XKR7: variants seen among roughly 807,000 people sequenced by gnomAD.
The protein encoded by XKR7 is XK related 7.
XKR7 carries 11 observed loss-of-function variants against 42.2 expected under a neutral mutation model. That is an observed-to-expected ratio of 0.26 (90% CI 0.16 to 0.43). The LOEUF (loss-of-function observed/expected upper bound fraction) is 0.43. XKR7 is among the 20% of genes least tolerant of loss of function. The pLI is 1.00. For missense variants in XKR7, 710 were observed against 802.2 expected (o/e 0.89, Z 1.39); for synonymous variants, 346 against 366.4 (o/e 0.94, Z 0.64).
At chr20:31,973,473 G>A (rs1014183543) in intron 1 of XKR7, among the ~76,000 whole-genome samples, 1 of 152,088 alleles carries the variant, frequency 6.6e-6, no homozygotes, top group African/African-American at 2.4e-5. Context: ...TAATACCTGG[G>A]CCAGATCGTG....
intron 2 of XKR7, 74 bp from the exon 3 acceptor site, chr20:31,996,431 C>T: frequency 1.8e-6 from 2 of 1,132,678 alleles, no homozygotes; most frequent in Non-Finnish European, 2.4e-6. Flanking sequence ...ACCCAGAACC[C>T]TCCGCCTCTC....
intron 2 of XKR7, among the ~76,000 whole-genome samples, chr20:31,996,175 G>A (rs2064590304): frequency 6.6e-6 from 1 of 150,740 alleles, no homozygotes; most frequent in Non-Finnish European, 1.5e-5. Flanking sequence ...CCAGAGTCCC[G>A]GACCCTCATT....
Position 31,968,873 on chromosome 20 carries a change from C to A in XKR7, c.584+114C>A. ...CGGGCTACCCTCCTGTCCTGACCTCCCCCCCTCCCCACCCCATTGCAGCTC... is the reference window on the plus strand; with the variant it reads ...CGGGCTACCCTCCTGTCCTGACCTCACCCCCTCCCCACCCCATTGCAGCTC... On this transcript the variant is annotated intron_variant, in intron 1 of 2. Coordinates refer to ENST00000562532, the MANE Select transcript of XKR7 (RefSeq NM_001011718.2). This position sits in a 1 kb window ranked among gnomAD's most constrained non-coding sequence, Gnocchi z 4.5. The A allele has an allele frequency of 7.2e-7, 1 of 1,386,408 alleles. No homozygotes were observed. Among genetic ancestry groups the A allele is most frequent in the Non-Finnish European group, 9.4e-7 (1 of 1,061,132 alleles). The allele number at this position is 1,386,408 out of a possible 1,614,324, so 85.9% of individuals were successfully genotyped here.
rs75185564 is a variant in XKR7, at chr20:31,995,042, G to T, written c.585-26G>T. On this transcript the variant is annotated intron_variant, in intron 1 of 2. Transcript: ENST00000562532. This position sits in a 1 kb window ranked among gnomAD's most constrained non-coding sequence, Gnocchi z 4.1. Reference sequence around the variant, plus strand: ...GAGCGAGAGGAACCAGCGCGCGGGAGCCTGAGCACCGCGTCCTTCCCGCAG... The same window carrying T: ...GAGCGAGAGGAACCAGCGCGCGGGATCCTGAGCACCGCGTCCTTCCCGCAG... 6.5e-7 allele frequency: 1 copy of T among 1,540,054 alleles called. No homozygotes were observed. The highest frequency in any genetic ancestry group is 8.7e-7 in the Non-Finnish European group (1 of 1,145,272).
At chr20:31,983,001 G>C (rs541307724) in intron 1 of XKR7, among the ~76,000 whole-genome samples, 27 of 152,310 alleles carry the variant, frequency 1.8e-4, no homozygotes, top group Non-Finnish European at 3.2e-4. Context: ...AGAGACGGGA[G>C]GCAACTTGTC....
chr20:31,972,219 A>G (rs1220552008), intron 1 of XKR7, among the ~76,000 whole-genome samples: 1 of 151,980 alleles, frequency 6.6e-6, no homozygotes, highest in East Asian at 1.9e-4. Flanking sequence ...ATCTCATGTT[A>G]CTCTGAAACC....
At chr20:31,990,040 T>G (rs1219507438) in intron 1 of XKR7, among the ~76,000 whole-genome samples, 1 of 152,162 alleles carries the variant, frequency 6.6e-6, no homozygotes, top group Non-Finnish European at 1.5e-5. Flanking sequence ...GAGTGGGATG[T>G]GGGATAGGGT....
intron 1 of XKR7, among the ~76,000 whole-genome samples, chr20:31,971,817 C>T (rs1262873831): frequency 2.0e-5 from 3 of 152,024 alleles, no homozygotes; most frequent in African/African-American, 4.8e-5. Flanking sequence ...CCATAAGATA[C>T]AAGGGGTGTC....
intron 1 of XKR7, among the ~76,000 whole-genome samples, chr20:31,991,074 G>C (rs969177531): frequency 2.6e-5 from 4 of 152,216 alleles, no homozygotes; most frequent in African/African-American, 9.6e-5. Context: ...TGGTTAGCTA[G>C]GAGCTGGCAG....
intron 1 of XKR7, among the ~76,000 whole-genome samples, chr20:31,973,787 A>C (rs6061067): frequency 0.02 from 2,985 of 152,300 alleles, 101 homozygotes; most frequent in African/African-American, 0.068. Flanking sequence ...AGGCCATGGC[A>C]AGGACTAGGG....
At chr20:31,979,656 C>T (rs2064502152) in intron 1 of XKR7, among the ~76,000 whole-genome samples, 1 of 152,096 alleles carries the variant, frequency 6.6e-6, no homozygotes. Context: ...CCCTGGCTAC[C>T]ATGTAGAATC....
chr20:31,981,817 A>G (rs975146403), intron 1 of XKR7, among the ~76,000 whole-genome samples: 1 of 152,186 alleles, frequency 6.6e-6, no homozygotes. Context: ...GACGGCAGCC[A>G]TTCTGACCAC....
rs181724727 is a variant in XKR7, at chr20:31,972,251, T to A, written c.584+3492T>A. Among the ~76,000 whole-genome samples, 657 of 152,240 alleles carry A rather than the reference T, an allele frequency of 4.3e-3. 5 individuals are homozygous for A. Among genetic ancestry groups the A allele is most frequent in the African/African-American group, 0.015 (627 of 41,540 alleles). On this transcript the variant is annotated intron_variant, in intron 1 of 2. Transcript: ENST00000562532. ...AACCCTCCCCCCTGGTGACTATTGA[T>A]ATACCCATTTATCAGATAAGGAACC... is the stretch of plus-strand genomic sequence containing the variant.
chr20:31,980,381 C>A (rs1186434822), intron 1 of XKR7, among the ~76,000 whole-genome samples: 3 of 152,206 alleles, frequency 2.0e-5, no homozygotes, highest in Non-Finnish European at 2.9e-5. Flanking sequence ...TCCCCCCAAC[C>A]CCCCGCAAAA....
intron 1 of XKR7, among the ~76,000 whole-genome samples, chr20:31,990,490 A>G (rs1188807909): frequency 6.6e-6 from 1 of 152,202 alleles, no homozygotes; most frequent in Non-Finnish European, 1.5e-5. Flanking sequence ...CCCAGTGGCT[A>G]TGTGTAAGCA....
At position 31,997,340 on chromosome 20, in the gene XKR7, C is replaced by A; in HGVS notation, c.1623C>A (p.Asp541Glu). The A allele has an allele frequency of 1.9e-6, 3 of 1,607,078 alleles. No individual in the cohort carries two copies. The highest frequency in any genetic ancestry group is 2.5e-6 in the Non-Finnish European group (3 of 1,179,988). The change falls in exon 3 of 3, where the codon GAC becomes GAA. Residue 541 changes from aspartate (D) to glutamate (E), a missense_variant. By Grantham distance (45) the Asp-to-Glu change is conservative (BLOSUM62 2). Around this residue, in one of 2 missense-constraint regions of XKR7, gnomAD observed 708 missense variants for 786.2 expected, o/e 0.90. Transcript: ENST00000562532. ...KYPAWDAHFI[D>E]RRLRKTILAL... Reference sequence around the variant, plus strand: ...CGGCCTGGGATGCTCATTTTATTGACCGCCGGCTCCGGAAGACCATCCTGG... The same window carrying A: ...CGGCCTGGGATGCTCATTTTATTGAACGCCGGCTCCGGAAGACCATCCTGG...
chr20:31,971,266 A>G (rs998217090), intron 1 of XKR7, among the ~76,000 whole-genome samples: 1 of 151,930 alleles, frequency 6.6e-6, no homozygotes, highest in African/African-American at 2.4e-5. Context: ...CTAGTTTGTA[A>G]CTATAGTTTG....
intron 1 of XKR7, among the ~76,000 whole-genome samples, chr20:31,972,614 T>C (rs1446451794): frequency 6.6e-6 from 1 of 152,174 alleles, no homozygotes; most frequent in Non-Finnish European, 1.5e-5. Context: ...CTTTTCCTAA[T>C]CTTGAGCTCA....
intron 1 of XKR7, among the ~76,000 whole-genome samples, chr20:31,992,189 G>A (rs1010970000): frequency 6.6e-6 from 1 of 152,054 alleles, no homozygotes; most frequent in Non-Finnish European, 1.5e-5. Flanking sequence ...TCCTTCCAAG[G>A]CATCTTATAG....
Sources: gnomAD v4.1 joint callset for allele counts (sites outside exome capture counted in the v4.1 genomes callset) on GRCh38, gnomAD v4.1.1 for gene constraint, gnomAD v4.1.1 regional missense constraint, Gnocchi (gnomAD v3.1) non-coding constraint, MANE v1.5 for transcripts, NCBI Gene and HGNC (gene_info 2026-07-23, HGNC 2026-07-21) for gene names.